KIAA2012: variants seen among roughly 807,000 people sequenced by gnomAD.
KIAA2012 encodes uncharacterized protein KIAA2012.
In KIAA2012, 125 loss-of-function variants were observed where a neutral mutation model predicts 150.6. The ratio of observed to expected loss-of-function variants is 0.83; its 90% CI spans 0.72 to 0.96. KIAA2012 has a LOEUF of 0.96. Among genes scored for constraint, KIAA2012 ranks in the 40% least tolerant of loss-of-function variants. KIAA2012 has a pLI of 0.00. For synonymous variants in KIAA2012, 462 were observed against 504.7 expected (o/e 0.92, Z 1.13); for missense variants, 1,219 against 1,354.9 (o/e 0.90, Z 1.57).
Position 202,104,836 on chromosome 2 carries a change from G to T in KIAA2012, c.1325-925G>T, listed in dbSNP as rs929014813. ...AGACATCAAAACATCAGAATGAAAAGATACACTTAATAAAAAGACAGACAA... is the reference window on the plus strand; with the variant it reads ...AGACATCAAAACATCAGAATGAAAATATACACTTAATAAAAAGACAGACAA... On this transcript the variant is annotated intron_variant, in intron 8 of 23. Coordinates refer to ENST00000498697, the MANE Select transcript of KIAA2012 (RefSeq NM_001277372.4). The surrounding 1 kb of genome is among the most constrained non-coding windows in gnomAD (Gnocchi z 4.3). Among the ~76,000 whole-genome samples the T allele has an allele frequency of 1.3e-5, 2 of 152,150 alleles. No individual in the cohort carries two copies. Among genetic ancestry groups the T allele is most frequent in the Admixed American group, 1.3e-4 (2 of 15,274 alleles).
At chr2:202,096,819 C>T (rs1575008338) in intron 4 of KIAA2012, among the ~76,000 whole-genome samples, 1 of 152,228 alleles carries the variant, frequency 6.6e-6, no homozygotes, top group Non-Finnish European at 1.5e-5. Flanking sequence ...TGCAGGACCC[C>T]TTAAACCATT....
chr2:202,090,741 G>A (rs779238662), intron 2 of KIAA2012, 29 bp from the exon 3 acceptor site: 207 of 1,533,978 alleles, frequency 1.3e-4, no homozygotes, highest in Non-Finnish European at 1.6e-4. Flanking sequence ...GTCAGCAGCT[G>A]TGCTGTTTCC....
intron 5 of KIAA2012, among the ~76,000 whole-genome samples, chr2:202,098,837 C>G (rs1179193718): frequency 1.3e-5 from 2 of 148,666 alleles, no homozygotes; most frequent in African/African-American, 4.9e-5. Flanking sequence ...CGCGCGCGCG[C>G]AGGATAACAA....
intron 14 of KIAA2012, among the ~76,000 whole-genome samples, chr2:202,156,266 G>T (rs1324468520): frequency 3.3e-5 from 5 of 152,026 alleles, no homozygotes; most frequent in Admixed American, 6.6e-5. Context: ...AAAGATATTT[G>T]TTACGAGTAT....
chr2:202,200,732 G>A (rs556380608), intron 22 of KIAA2012, among the ~76,000 whole-genome samples: 1 of 87,202 alleles, frequency 1.1e-5, no homozygotes, highest in East Asian at 3.3e-4. Flanking sequence ...TGGTGACGGA[G>A]TTTCGCTCTT....
chr2:202,162,581 C>CTT (rs890834084), intron 14 of KIAA2012, among the ~76,000 whole-genome samples: 39 of 120,834 alleles, frequency 3.2e-4, no homozygotes, highest in Admixed American at 5.0e-4. Context: ...GGCCCAGAGT[C>CTT]TTTTTTTTTT....
intron 15 of KIAA2012, among the ~76,000 whole-genome samples, chr2:202,171,971 C>A (rs1421708221): frequency 6.6e-6 from 1 of 151,324 alleles, no homozygotes; most frequent in Admixed American, 6.6e-5. Flanking sequence ...CTCAACCTCT[C>A]GAGTAGCTGG....
At chr2:202,201,320 AT>A (rs1692519197) in intron 22 of KIAA2012, 1 of 1,585,990 alleles carries the variant, frequency 6.3e-7, no homozygotes, top group South Asian at 1.1e-5. Context: ...CAGCAGTTAC[AT>A]TGTGAGAAGT....
intron 14 of KIAA2012, among the ~76,000 whole-genome samples, chr2:202,162,910 C>CA (rs1691686202): frequency 8.4e-6 from 1 of 118,674 alleles, no homozygotes. Flanking sequence ...AGCCTGGCAA[C>CA]AGAGCGAGAC....
At chr2:202,165,457 C>G in intron 15 of KIAA2012, 101 bp downstream of exon 15, 1 of 1,185,518 alleles carries the variant, frequency 8.4e-7, no homozygotes, top group Non-Finnish European at 1.2e-6. Flanking sequence ...CACGGTGGCT[C>G]ACGCCTGTAG....
At chr2:202,185,112 T>G (rs1457576445) in intron 16 of KIAA2012, among the ~76,000 whole-genome samples, 3 of 152,208 alleles carry the variant, frequency 2.0e-5, no homozygotes, top group Non-Finnish European at 4.4e-5. Flanking sequence ...CTCTTTCCAT[T>G]TGCCCAATCT....
chr2:202,094,551 G>A (rs1689815311), intron 4 of KIAA2012, among the ~76,000 whole-genome samples: 1 of 150,440 alleles, frequency 6.6e-6, no homozygotes, highest in Admixed American at 6.7e-5. Context: ...TCTTGCTCTG[G>A]CTCTGTCACC....
rs1164200826 is a variant in KIAA2012 at position 202,073,660 on chromosome 2, C to T, written c.33C>T (p.His11=). 13 of 1,550,238 alleles carry T rather than the reference C, an allele frequency of 8.4e-6. No individual in the cohort carries two copies. The highest frequency in any genetic ancestry group is 1.7e-4 in the Middle Eastern group (1 of 6,012). ...CGCTCTCCCTCCTGAGCCGGGGCCA[C>T]GGGAAGCTGGGCCAGGACAAACAGA... MFTLSLLSRG[H]GKLGQDKQKL... Residue 11 remains histidine (H), a synonymous_variant, in exon 1 of 24, where the codon CAC becomes CAT. Coordinates refer to ENST00000498697, the MANE Select transcript of KIAA2012 (RefSeq NM_001277372.4).
intron 23 of KIAA2012, among the ~76,000 whole-genome samples, chr2:202,203,586 T>C (rs1217137869): frequency 6.6e-6 from 1 of 152,198 alleles, no homozygotes; most frequent in Non-Finnish European, 1.5e-5. Context: ...TCATGTGTGG[T>C]TACCGGCTAC....
At position 202,096,086 on chromosome 2, in the gene KIAA2012, G is replaced by A. The variant is rs538314647; in HGVS notation, c.686-1349G>A. ...GCAACAGAGTGAGACTACGTCCCCC[G>A]CACCCCCCACCCAAAAAAAAAGAGA... On this transcript the variant is annotated intron_variant, in intron 4 of 23. Coordinates refer to ENST00000498697, the MANE Select transcript of KIAA2012 (RefSeq NM_001277372.4). 7.9e-5 allele frequency among the ~76,000 whole-genome samples: 12 copies of A among 151,604 alleles called. No individual in the cohort carries two copies. In the South Asian group the frequency reaches 1.3e-3, roughly 16 times the overall value.
intron 12 of KIAA2012, among the ~76,000 whole-genome samples, chr2:202,129,068 C>A (rs62195617): frequency 7.3e-5 from 11 of 151,704 alleles, no homozygotes; most frequent in Non-Finnish European, 1.6e-4. Context: ...AAGCCAAGAT[C>A]GCACCATTGC....
intron 18 of KIAA2012, among the ~76,000 whole-genome samples, chr2:202,188,482 A>G (rs747710387): frequency 2.6e-5 from 4 of 152,220 alleles, no homozygotes; most frequent in Admixed American, 1.3e-4. Flanking sequence ...TGTGATCACC[A>G]AGAAAGGAAA....
intron 12 of KIAA2012, among the ~76,000 whole-genome samples, chr2:202,132,745 A>ATG (rs2105941002): frequency 2.9e-5 from 1 of 33,962 alleles, no homozygotes; most frequent in Non-Finnish European, 5.5e-5. Context: ...ATGTATATAT[A>ATG]TAGTATATAT....
intron 12 of KIAA2012, among the ~76,000 whole-genome samples, chr2:202,132,535 C>A (rs1368266280): frequency 1.3e-5 from 2 of 151,304 alleles, no homozygotes; most frequent in East Asian, 3.9e-4. Context: ...GGCATGGTGG[C>A]ACACACCTGT....
Sources: allele counts gnomAD v4.1 joint callset (sites outside exome capture counted in the v4.1 genomes callset), GRCh38; gene constraint gnomAD v4.1.1; non-coding constraint Gnocchi (gnomAD v3.1); transcripts MANE v1.5; gene names NCBI Gene and HGNC (gene_info 2026-07-23, HGNC 2026-07-21).